The following RAB37 variants were observed in gnomAD, a reference collection of about 807,000 sequenced individuals.
The protein encoded by RAB37 is RAB37, member RAS oncogene family, also known as ras-related protein Rab-37.
RAB37 carries 29 observed loss-of-function variants against 33.1 expected under a neutral mutation model. The observed-to-expected ratio is 0.88, with a 90% CI of 0.65 to 1.20. The LOEUF (loss-of-function observed/expected upper bound fraction) is 1.20. Among genes scored for constraint, RAB37 ranks in the 50% most tolerant of loss-of-function variants. RAB37 has a pLI of 0.00. For missense variants in RAB37, 299 were observed against 301.1 expected (o/e 0.99, Z 0.05); for synonymous variants, 128 against 119.5 (o/e 1.07, Z -0.47).
At position 74,729,152 on chromosome 17, in the gene RAB37, G is replaced by A. The variant is rs900681902; in HGVS notation, c.73-104G>A. On this transcript the variant is annotated intron_variant, in intron 1 of 7. Transcript: ENST00000340415. This position sits in a 1 kb window ranked among gnomAD's most constrained non-coding sequence, Gnocchi z 4.2. The stretch of plus-strand genomic sequence containing the variant: ...TTCTGTGTGTGTGTGTGCATGTTGT[G>A]CACATGCGTGCTTAGAAAGAATCCA... 3.3e-5 allele frequency: 25 copies of A among 765,070 alleles called. No individual in the cohort carries two copies. Among genetic ancestry groups the A allele is most frequent in the African/African-American group, 1.7e-5 (1 of 58,874 alleles). 47.4% of individuals were successfully genotyped at this position (765,070 alleles called of 1,614,324 possible). A position where few individuals can be genotyped will look rare whatever the true frequency, so the allele number is the denominator to read the frequency against.
chr17:74,671,779 G>A lies in RAB37; in HGVS notation c.72+121G>A. ...GAAACTAGCTTGTATCTGTGAGTCT[G>A]GGGAGCCCTTTCTGTCTGATCCTGT... On this transcript the variant is annotated intron_variant, in intron 1 of 7. Coordinates refer to the RAB37 transcript ENST00000340415. The surrounding 1 kb of genome is among the most constrained non-coding windows in gnomAD (Gnocchi z 5.0). 1.2e-6 allele frequency: 1 copy of A among 842,710 alleles called. No homozygotes were observed. Among genetic ancestry groups the A allele is most frequent in the Non-Finnish European group, 1.9e-6 (1 of 516,822 alleles). 52.2% of individuals were successfully genotyped at this position (842,710 alleles called of 1,614,324 possible).
chr17:74,707,830 T>C (rs1246040409), intron 1 of RAB37, among the ~76,000 whole-genome samples: 3 of 151,948 alleles, frequency 2.0e-5, no homozygotes, highest in Admixed American at 1.3e-4. Flanking sequence ...ATTTAAACAA[T>C]GTTATGCCAA....
At chr17:74,673,527 T>C (rs1246107748) in intron 1 of RAB37, among the ~76,000 whole-genome samples, 1 of 151,262 alleles carries the variant, frequency 6.6e-6, no homozygotes, top group Non-Finnish European at 1.5e-5. Flanking sequence ...CCTATAAAGG[T>C]ATAAATACTC....
At chr17:74,714,818 G>A (rs927578407) in intron 1 of RAB37, among the ~76,000 whole-genome samples, 1 of 152,068 alleles carries the variant, frequency 6.6e-6, no homozygotes, top group African/African-American at 2.4e-5. Flanking sequence ...GTCGGGACTG[G>A]GGATATAAAA....
chr17:74,736,657 T>TG, upstream of RAB37: 1 of 1,535,382 alleles, frequency 6.5e-7, no homozygotes, highest in Non-Finnish European at 8.7e-7. Flanking sequence ...AAATGAGAGG[T>TG]GATCCATACT....
upstream of RAB37, among the ~76,000 whole-genome samples, chr17:74,732,559 G>C (rs1296515282): frequency 6.6e-6 from 1 of 151,582 alleles, no homozygotes; most frequent in Non-Finnish European, 1.5e-5. Context: ...GTGATTTGAG[G>C]GGTTAGGTGT....
chr17:74,741,864 G>A (rs2034626701), intron 2 of RAB37, among the ~76,000 whole-genome samples: 1 of 152,222 alleles, frequency 6.6e-6, no homozygotes, highest in African/African-American at 2.4e-5. Context: ...CCAGGATGCA[G>A]GCAAACACCC....
In RAB37 at chr17:74,671,482, G is replaced by T; in HGVS notation, c.-105G>T. On this transcript the variant is annotated 5_prime_UTR_variant, in exon 1 of 8. Transcript: ENST00000340415. The surrounding 1 kb of genome is among the most constrained non-coding windows in gnomAD (Gnocchi z 5.0). ...GAAAACGGATGCGGCCCGGCCCGCA[G>T]AGCTCAGACCCAAGCCTGCCGCACC... 1 of 1,075,474 alleles carries T rather than the reference G, an allele frequency of 9.3e-7. No individual in the cohort carries two copies. Among genetic ancestry groups the T allele is most frequent in the Non-Finnish European group, 1.4e-6 (1 of 719,024 alleles). The allele number at this position is 1,075,474 out of a possible 1,614,324, so 66.6% of individuals were successfully genotyped here.
chr17:74,690,046 C>T (rs995827565), intron 1 of RAB37, among the ~76,000 whole-genome samples: 5 of 152,056 alleles, frequency 3.3e-5, no homozygotes, highest in South Asian at 2.1e-4. Flanking sequence ...CAACTTCCTA[C>T]GTTCAAGCGA....
In RAB37 at chr17:74,730,751, C is replaced by A. The variant is rs866077025; in HGVS notation, c.183+1385C>A. Among the ~76,000 whole-genome samples the A allele has an allele frequency of 1.3e-5, 2 of 152,186 alleles. No individual in the cohort carries two copies. Among genetic ancestry groups the A allele is most frequent in the African/African-American group, 2.4e-5 (1 of 41,458 alleles). ...GTCACACCCGCATCTCCTCACCCAC[C>A]CTTCTGCCTGTCTGGTGAGGAAGGA... On this transcript the variant is annotated intron_variant, in intron 2 of 7. Coordinates refer to the RAB37 transcript ENST00000340415. This position sits in a 1 kb window ranked among gnomAD's most constrained non-coding sequence, Gnocchi z 4.4.
chr17:74,673,619 C>A (rs2031755795), intron 1 of RAB37, among the ~76,000 whole-genome samples: 1 of 151,950 alleles, frequency 6.6e-6, no homozygotes. Context: ...ATTACCCACA[C>A]ACGAGATGTA....
intron 1 of RAB37, chr17:74,705,273 G>A: frequency 1.4e-6 from 1 of 700,934 alleles, no homozygotes; most frequent in Non-Finnish European, 2.6e-6. Flanking sequence ...CTGTGGAGAG[G>A]CTGTCCTGGT....
In RAB37 at chr17:74,671,785, C is replaced by A; in HGVS notation, c.72+127C>A. ...AGCTTGTATCTGTGAGTCTGGGGAG[C>A]CCTTTCTGTCTGATCCTGTTTCCTG... On this transcript the variant is annotated intron_variant, in intron 1 of 7. Coordinates refer to the RAB37 transcript ENST00000340415. The surrounding 1 kb of genome is among the most constrained non-coding windows in gnomAD (Gnocchi z 5.0). 2 of 794,540 alleles carry A rather than the reference C, an allele frequency of 2.5e-6. No individual in the cohort carries two copies. The highest frequency in any genetic ancestry group is 2.2e-5 in the Admixed American group (1 of 45,800). The allele number at this position is 794,540 out of a possible 1,614,324, so 49.2% of individuals were successfully genotyped here.
upstream of RAB37, among the ~76,000 whole-genome samples, chr17:74,732,342 C>T (rs139441170): frequency 5.2e-3 from 790 of 151,948 alleles, 5 homozygotes; most frequent in South Asian, 0.014. Context: ...CCTCCAGTCT[C>T]TGCCCGGGTC....
At chr17:74,696,071 C>T (rs2032438323) in intron 1 of RAB37, 1 of 1,339,468 alleles carries the variant, frequency 7.5e-7, no homozygotes, top group Non-Finnish European at 1.0e-6. Context: ...CTGCAGGGTG[C>T]CATGAGGACA....
At position 74,743,179 on chromosome 17, in the gene RAB37, T is replaced by C. The variant is rs201235359; in HGVS notation, c.297T>C (p.Tyr99=). Residue 99 remains tyrosine (Y), a synonymous_variant, in exon 4 of 9, where the codon TAT becomes TAC. Transcript: ENST00000392613. The stretch of plus-strand genomic sequence containing the variant: ...GGTTCCGAAGCGTCACCCATGCTTA[T>C]TACAGAGATGCTCAGGGTGAGTCCC... ...QERFRSVTHA[Y]YRDAQALLLL... is the part of the protein sequence containing the mutation. The C allele has an allele frequency of 4.1e-5, 66 of 1,613,864 alleles. No homozygotes were observed. The highest frequency in any genetic ancestry group is 1.6e-4 in the Middle Eastern group (1 of 6,062).
At chr17:74,684,414 A>G (rs946975148) in intron 1 of RAB37, among the ~76,000 whole-genome samples, 1 of 152,090 alleles carries the variant, frequency 6.6e-6, no homozygotes, top group Non-Finnish European at 1.5e-5. Context: ...TATTATTAAT[A>G]TATTTAATTG....
At chr17:74,701,556 T>A (rs2033050885) in intron 1 of RAB37, among the ~76,000 whole-genome samples, 3 of 152,132 alleles carry the variant, frequency 2.0e-5, no homozygotes, top group Admixed American at 2.0e-4. Flanking sequence ...ATTGATTTGC[T>A]TAGGAAAAAG....
chr17:74,739,660 A>G lies in RAB37; in HGVS notation c.94-1108A>G, dbSNP rs371925799. On this transcript the variant is annotated intron_variant, in intron 1 of 8. Coordinates refer to ENST00000392613, the MANE Select transcript of RAB37 (RefSeq NM_001006638.3). ...TTCTCCTGTCTCCGCCTCCCAAGTA[A>G]CTGGGACTACAGGCGTGTGCCACCA... 2.7e-5 allele frequency among the ~76,000 whole-genome samples: 4 copies of G among 150,910 alleles called. No homozygotes were observed. The South Asian group carries it at 8.4e-4, about 32-fold the overall frequency.
Sources: gnomAD v4.1 joint callset for allele counts (sites outside exome capture counted in the v4.1 genomes callset) on GRCh38, gnomAD v4.1.1 for gene constraint, Gnocchi (gnomAD v3.1) non-coding constraint, MANE v1.5 for transcripts, NCBI Gene and HGNC (gene_info 2026-07-23, HGNC 2026-07-21) for gene names.